The following ARHGAP36 variants were observed in gnomAD, a reference collection of about 807,000 sequenced individuals.
The protein encoded by ARHGAP36 is Rho GTPase activating protein 36, also known as rho GTPase-activating protein 36.
A neutral mutation model predicts 32.9 loss-of-function variants in ARHGAP36; 7 were observed. The ratio of observed to expected loss-of-function variants is 0.21; its 90% CI spans 0.12 to 0.40. ARHGAP36 has a LOEUF of 0.40. Among genes scored for constraint, ARHGAP36 ranks in the 10% least tolerant of loss-of-function variants. ARHGAP36 has a pLI of 1.00. For synonymous variants in ARHGAP36, 165 were observed against 168.3 expected, an observed-to-expected ratio of 0.98 and a Z score of 0.15; for missense variants, 383 against 442.2, an observed-to-expected ratio of 0.87 and a Z score of 1.20.
rs762932640 is a variant in ARHGAP36, at chrX:131,070,606, G to T, written c.-142-10918G>T. Among the ~76,000 whole-genome samples, 10 of 111,397 alleles carry T rather than the reference G, an allele frequency of 9.0e-5. No homozygotes were observed. The South Asian group carries it at 3.4e-3, about 38-fold the overall frequency. On this transcript the variant is annotated intron_variant, in intron 1 of 11. Coordinates refer to ENST00000276211, the MANE Select transcript of ARHGAP36 (RefSeq NM_144967.4). ...TTGGGCAAGTTATTTTCCCCTCTCTGGGCTTCAGTGGCAAGGTAAGTGCTA... is the reference window on the plus strand; with the variant it reads ...TTGGGCAAGTTATTTTCCCCTCTCTTGGCTTCAGTGGCAAGGTAAGTGCTA...
chrX:131,064,037 T>C (rs1023247026), intron 1 of ARHGAP36, among the ~76,000 whole-genome samples: 1 of 111,860 alleles, frequency 8.9e-6, no homozygotes, highest in Non-Finnish European at 1.9e-5. Flanking sequence ...AACTGGATGG[T>C]CTTAGGCACT....
In ARHGAP36 at chrX:131,085,358, C is replaced by CAA. The variant is rs372296735; in HGVS notation, c.956-217_956-216dup. 8.1e-3 allele frequency among the ~76,000 whole-genome samples: 714 copies of CAA among 87,888 alleles called. 2 individuals carry two copies. The highest frequency in any genetic ancestry group is 0.012 in the Non-Finnish European group (522 of 43,287). 76.3% of individuals were successfully genotyped at this position (87,888 alleles called of 115,157 possible). On this transcript the variant is annotated intron_variant, in intron 7 of 11. Transcript: ENST00000276211. ...TGAAGATGTGTGTGCCCTCTCAGGT[C>CAA]AAAAAAAAAAAAAACCACCCAGGTT... is the stretch of plus-strand genomic sequence containing the variant.
chrX:131,071,342 A>T (rs2079732575), intron 1 of ARHGAP36, among the ~76,000 whole-genome samples: 1 of 110,849 alleles, frequency 9.0e-6, no homozygotes, highest in Non-Finnish European at 1.9e-5. Flanking sequence ...GCAGGAGGAG[A>T]GGGAGAGGTC....
chrX:131,088,166 C>T (rs2079845575), intron 11 of ARHGAP36, among the ~76,000 whole-genome samples: 1 of 112,754 alleles, frequency 8.9e-6, no homozygotes, highest in South Asian at 3.7e-4. Flanking sequence ...TCAGCCTGGC[C>T]AAGTCATGGA....
chrX:131,085,556 C>G (rs1331633252), intron 7 of ARHGAP36, 32 bp from the exon 8 acceptor site: 1 of 1,202,176 alleles, frequency 8.3e-7, no homozygotes. Context: ...AAGACTATCC[C>G]CCTGAGACAG....
intron 1 of ARHGAP36, among the ~76,000 whole-genome samples, chrX:131,077,418 T>C (rs1260598330): frequency 9.0e-6 from 1 of 111,279 alleles, no homozygotes; most frequent in Non-Finnish European, 1.9e-5. Context: ...CCTGCTTTTT[T>C]TTTTCCATAG....
chrX:131,070,208 T>C (rs1177298294), intron 1 of ARHGAP36, among the ~76,000 whole-genome samples: 1 of 112,584 alleles, frequency 8.9e-6, no homozygotes, highest in Non-Finnish European at 1.9e-5. Flanking sequence ...ATTGCTTCAC[T>C]GCGGCTGAGG....
chrX:131,059,569 C>A (rs907649694), intron 1 of ARHGAP36, among the ~76,000 whole-genome samples: 1 of 111,678 alleles, frequency 9.0e-6, no homozygotes, highest in African/African-American at 3.3e-5. Flanking sequence ...AGCCCCAACA[C>A]CCTGCTGAGA....
At chrX:131,088,422 G>A (rs1197989076) in intron 11 of ARHGAP36, among the ~76,000 whole-genome samples, 1 of 111,890 alleles carries the variant, frequency 8.9e-6, no homozygotes, top group Admixed American at 9.4e-5. Context: ...TCTTTTCCCA[G>A]TTCCCACAGT....
intron 1 of ARHGAP36, among the ~76,000 whole-genome samples, chrX:131,066,305 T>TCA: frequency 9.0e-6 from 1 of 111,711 alleles, no homozygotes; most frequent in Non-Finnish European, 1.9e-5. Flanking sequence ...TAAAAATGGG[T>TCA]CTGGGGGAGC....
intron 1 of ARHGAP36, among the ~76,000 whole-genome samples, chrX:131,069,339 T>C (rs2079720619): frequency 8.9e-6 from 1 of 111,917 alleles, no homozygotes; most frequent in Non-Finnish European, 1.9e-5. Context: ...TAAAGTGTCA[T>C]GTAAAAATAC....
At chrX:131,065,892 G>T (rs952874176) in intron 1 of ARHGAP36, among the ~76,000 whole-genome samples, 4 of 111,710 alleles carry the variant, frequency 3.6e-5, no homozygotes, top group South Asian at 3.8e-4. Flanking sequence ...GAAAAGTGGC[G>T]AAGTGACTCA....
intron 1 of ARHGAP36, among the ~76,000 whole-genome samples, chrX:131,070,284 TGATTCACC>T (rs1416272240): frequency 5.4e-5 from 6 of 111,975 alleles, no homozygotes; most frequent in Admixed American, 1.9e-4. Context: ...AGCTAGAGGG[TGATTCACC>T]ATCTCAGTTA....
intron 1 of ARHGAP36, among the ~76,000 whole-genome samples, chrX:131,069,531 C>G (rs759851465): frequency 9.0e-6 from 1 of 111,177 alleles, no homozygotes; most frequent in African/African-American, 3.3e-5. Context: ...TTCCCCCACC[C>G]TCTTCAAAAA....
intron 8 of ARHGAP36, 83 bp from the exon 9 acceptor site, chrX:131,085,830 A>G: frequency 8.5e-7 from 1 of 1,177,990 alleles, no homozygotes; most frequent in South Asian, 1.9e-5. Flanking sequence ...AGAGAGAGAA[A>G]CAAGAATAAA....
At chrX:131,067,259 T>C (rs1569364359) in intron 1 of ARHGAP36, among the ~76,000 whole-genome samples, 1 of 112,797 alleles carries the variant, frequency 8.9e-6, no homozygotes, top group Non-Finnish European at 1.9e-5. Context: ...GAGCAAATAG[T>C]TGGGCTCAGC....
chrX:131,083,223 G>T lies in ARHGAP36; in HGVS notation c.312G>T (p.Gln104His). Residue 104 changes from glutamine (Q) to histidine (H), a missense_variant, in exon 3 of 12, where the codon CAG (glutamine) becomes CAT (histidine). Coordinates refer to ENST00000276211, the MANE Select transcript of ARHGAP36 (RefSeq NM_144967.4). ...LDKWFLILRG[Q>H]QRAVSHKTFG... The stretch of plus-strand genomic sequence containing the variant: ...AGTGGTTTCTGATTTTGAGAGGACA[G>T]CAGAGGGGTGAGGGGGCTCTTGTAT... 8.3e-7 allele frequency: 1 copy of T among 1,209,581 alleles called. No individual in the cohort carries two copies. Among genetic ancestry groups the T allele is most frequent in the Non-Finnish European group, 1.1e-6 (1 of 894,003 alleles).
At position 131,084,655 on chromosome X, in the gene ARHGAP36, G is replaced by C; in HGVS notation, c.778G>C (p.Glu260Gln). Residue 260 changes from glutamate to glutamine, a missense_variant, in exon 6 of 12, where the codon GAA (glutamate) becomes CAA (glutamine). This residue lies in a region of ARHGAP36 where 227 missense variants were observed against 311.3 expected (regional missense o/e 0.73). Coordinates refer to ENST00000276211, the MANE Select transcript of ARHGAP36 (RefSeq NM_144967.4). ...AAGCGCAGTGGGGATTTTTACCCTT[G>C]AATACTCCGTGCAGCGAGTGCGTCA... ...GLSAVGIFTL[E>Q]YSVQRVRQLR... 1 of 1,211,884 alleles carries C rather than the reference G, an allele frequency of 8.3e-7. No individual in the cohort carries two copies. Among genetic ancestry groups the C allele is most frequent in the African/African-American group, 1.7e-5 (1 of 57,840 alleles).
intron 1 of ARHGAP36, among the ~76,000 whole-genome samples, chrX:131,077,486 A>G (rs1404749184): frequency 9.0e-6 from 1 of 110,532 alleles, no homozygotes; most frequent in Non-Finnish European, 1.9e-5. Context: ...AATGGAGTAA[A>G]TTAGTCCTCC....
Sources: allele counts gnomAD v4.1 joint callset (sites outside exome capture counted in the v4.1 genomes callset), GRCh38; gene constraint gnomAD v4.1.1; regional missense constraint gnomAD v4.1.1; transcripts MANE v1.5; gene names NCBI Gene and HGNC (gene_info 2026-07-23, HGNC 2026-07-21).